DPP6: variants seen among roughly 807,000 people sequenced by gnomAD.
The protein encoded by DPP6 is dipeptidyl peptidase like 6.
In DPP6, 69 loss-of-function variants were observed where a neutral mutation model predicts 122.6. The ratio of observed to expected loss-of-function variants is 0.56; its 90% CI spans 0.46 to 0.69. The LOEUF (loss-of-function observed/expected upper bound fraction) is 0.69, where lower values mean the gene tolerates loss of function less well. Ranked by LOEUF, DPP6 falls within the 30% of genes least tolerant of loss-of-function variation. DPP6 has a pLI of 0.00. For synonymous variants in DPP6, 418 were observed against 433.1 expected (o/e 0.97, Z 0.43); for missense variants, 928 against 1,116.9 (o/e 0.83, Z 2.41).
intron 8 of DPP6, among the ~76,000 whole-genome samples, chr7:154,733,781 A>G (rs891108863): frequency 2.6e-5 from 4 of 152,210 alleles, no homozygotes; most frequent in African/African-American, 9.7e-5. Context: ...CACAGGGGGC[A>G]CATTCACCAA....
intron 16 of DPP6, among the ~76,000 whole-genome samples, chr7:154,808,434 C>T (rs78135817): frequency 0.014 from 2,119 of 152,202 alleles, 53 homozygotes; most frequent in African/African-American, 0.048. Flanking sequence ...GTCCCCGCAA[C>T]GTTAATGGTA....
intron 8 of DPP6, among the ~76,000 whole-genome samples, chr7:154,729,491 A>G (rs532857751): frequency 6.6e-6 from 1 of 152,334 alleles, no homozygotes; most frequent in South Asian, 2.1e-4. Flanking sequence ...TTTGTACATA[A>G]TAAAATGTAC....
In DPP6 at chr7:154,769,547, C is replaced by T. The variant is rs550108276; in HGVS notation, c.1014C>T (p.Thr338=). ...CTTACACCGGCTCCATCTACCCCAC[C>T]GTGAAGCCCTACCACTATCCCAAGG... ...LPTYTGSIYP[T]VKPYHYPKAG... The change falls in exon 9 of 26, where the codon ACC becomes ACT. Residue 338 remains threonine, a synonymous_variant. Coordinates refer to ENST00000377770, the MANE Select transcript of DPP6 (RefSeq NM_130797.4). The T allele has an allele frequency of 2.8e-5, 45 of 1,610,550 alleles. No individual in the cohort carries two copies. The highest frequency in any genetic ancestry group is 9.9e-5 in the South Asian group (9 of 90,818).
chr7:154,199,290 A>G (rs937216665), intron 1 of DPP6, among the ~76,000 whole-genome samples: 3 of 152,120 alleles, frequency 2.0e-5, no homozygotes, highest in African/African-American at 7.2e-5. Flanking sequence ...TCATGTTGTC[A>G]CTCATCCATT....
intron 1 of DPP6, among the ~76,000 whole-genome samples, chr7:154,076,398 C>T (rs568708501): frequency 6.6e-6 from 1 of 151,460 alleles, no homozygotes; most frequent in African/African-American, 2.4e-5. Flanking sequence ...TGCAGTGAGC[C>T]GAGATTGTGG....
At chr7:154,598,381 A>AT (rs1375343706) in intron 5 of DPP6, among the ~76,000 whole-genome samples, 1 of 152,242 alleles carries the variant, frequency 6.6e-6, no homozygotes, top group Admixed American at 6.5e-5. Context: ...CCGAGCAAAC[A>AT]TTTTTTCCAG....
upstream of DPP6, among the ~76,000 whole-genome samples, chr7:154,050,342 A>G (rs1219870893): frequency 6.6e-6 from 1 of 152,250 alleles, no homozygotes; most frequent in African/African-American, 2.4e-5. Flanking sequence ...TATTCTATCT[A>G]TGATTAATAT....
At chr7:153,952,208 A>G (rs1802251538) in intron 1 of DPP6, among the ~76,000 whole-genome samples, 1 of 152,244 alleles carries the variant, frequency 6.6e-6, no homozygotes, top group South Asian at 2.1e-4. Context: ...GTGTTTTAAC[A>G]CTTAGTATAT....
chr7:153,944,312 T>C (rs1034903408), intron 1 of DPP6, among the ~76,000 whole-genome samples: 3 of 152,136 alleles, frequency 2.0e-5, no homozygotes, highest in African/African-American at 7.2e-5. Context: ...TTTGGCAGTT[T>C]GTTTGAACAT....
chr7:154,031,412 A>G (rs2129054995), intron 1 of DPP6, among the ~76,000 whole-genome samples: 1 of 151,616 alleles, frequency 6.6e-6, no homozygotes, highest in East Asian at 1.9e-4. Context: ...TATTTTTATT[A>G]AAGTCTCACT....
At chr7:154,107,171 T>C (rs1806224617) in intron 1 of DPP6, among the ~76,000 whole-genome samples, 2 of 152,074 alleles carry the variant, frequency 1.3e-5, no homozygotes, top group Non-Finnish European at 2.9e-5. Context: ...ATGGCCAGGA[T>C]ATGGAAACAT....
intron 5 of DPP6, among the ~76,000 whole-genome samples, chr7:154,594,075 AG>A (rs1210300141): frequency 6.6e-6 from 1 of 152,162 alleles, no homozygotes; most frequent in African/African-American, 2.4e-5. Context: ...TGACCTTCCA[AG>A]GCAATTGATT....
At chr7:154,823,903 T>TA (rs1468604415) in intron 16 of DPP6, among the ~76,000 whole-genome samples, 2 of 152,136 alleles carry the variant, frequency 1.3e-5, no homozygotes, top group Non-Finnish European at 2.9e-5. Context: ...ATGGTAATAA[T>TA]AAAAAACCGA....
chr7:153,843,195 TACACACACGTGCAC>T, the DPP6 span, among the ~76,000 whole-genome samples: 2 of 150,116 alleles, frequency 1.3e-5, no homozygotes, highest in African/African-American at 2.5e-5. Flanking sequence ...CACGCGTGCA[TACACACACGTGCAC>T]ACACACAAAT....
chr7:154,303,562 G>A lies in DPP6; in HGVS notation c.244-142652G>A, dbSNP rs184267635. On this transcript the variant is annotated intron_variant, in intron 1 of 25. Coordinates refer to ENST00000377770, the MANE Select transcript of DPP6 (RefSeq NM_130797.4). ...AGAACTTAGGTTCCTAGCATCCCAGGAGGCAGGGTCACAAAGACAAGCTGA... is the reference window on the plus strand; with the variant it reads ...AGAACTTAGGTTCCTAGCATCCCAGAAGGCAGGGTCACAAAGACAAGCTGA... Among the ~76,000 whole-genome samples the A allele has an allele frequency of 2.6e-3, 391 of 152,176 alleles. 9 individuals carry two copies. The highest frequency in any genetic ancestry group is 1.2e-3 in the Non-Finnish European group (81 of 68,000).
At chr7:154,767,891 G>A (rs76580319) in intron 8 of DPP6, among the ~76,000 whole-genome samples, 1 of 152,172 alleles carries the variant, frequency 6.6e-6, no homozygotes, top group African/African-American at 2.4e-5. Context: ...TCGGTGGGGG[G>A]CTGTCTGCTG....
chr7:154,280,199 A>C (rs1003736041), intron 1 of DPP6, among the ~76,000 whole-genome samples: 4 of 152,146 alleles, frequency 2.6e-5, no homozygotes, highest in Non-Finnish European at 5.9e-5. Context: ...TTTTTTTATA[A>C]AAAAAGGTTT....
At chr7:153,919,100 A>T (rs754833133) in intron 1 of DPP6, among the ~76,000 whole-genome samples, 2 of 152,024 alleles carry the variant, frequency 1.3e-5, no homozygotes, top group African/African-American at 4.8e-5. Context: ...AGTTGAATGC[A>T]TGGCTTGAGA....
intron 1 of DPP6, among the ~76,000 whole-genome samples, chr7:154,290,357 C>T (rs1805124540): frequency 6.6e-6 from 1 of 152,168 alleles, no homozygotes; most frequent in Non-Finnish European, 1.5e-5. Context: ...AAACTGGTAT[C>T]TCGGCCCCAG....
Sources: allele counts gnomAD v4.1 joint callset (sites outside exome capture counted in the v4.1 genomes callset), GRCh38; gene constraint gnomAD v4.1.1; transcripts MANE v1.5; gene names NCBI Gene and HGNC (gene_info 2026-07-23, HGNC 2026-07-21).